PRR14L: variants seen among roughly 807,000 people sequenced by gnomAD.
PRR14L encodes the protein proline rich 14 like.
Under a neutral mutation model 155.0 loss-of-function variants are expected in PRR14L, and 80 were observed. The observed-to-expected ratio is 0.52, with a 90% CI of 0.43 to 0.62. The LOEUF (loss-of-function observed/expected upper bound fraction) is 0.62, where lower values mean the gene tolerates loss of function less well. Among genes scored for constraint, PRR14L ranks in the 20% least tolerant of loss-of-function variants. The pLI is 0.00. For missense variants in PRR14L, 2,469 were observed against 2,548.0 expected (o/e 0.97, Z 0.67); for synonymous variants, 883 against 916.0 (o/e 0.96, Z 0.65).
chr22:31,690,020 G>A (rs1210779904), intron 7 of PRR14L, among the ~76,000 whole-genome samples: 15 of 152,012 alleles, frequency 9.9e-5, no homozygotes, highest in Non-Finnish European at 1.8e-4. Context: ...GGGTTCAAGC[G>A]ATTCTCCTGC....
intron 8 of PRR14L, among the ~76,000 whole-genome samples, chr22:31,686,337 T>C (rs2074482664): frequency 6.6e-6 from 1 of 151,258 alleles, no homozygotes; most frequent in African/African-American, 2.4e-5. Flanking sequence ...CTTGATCTCC[T>C]AACCTCATGA....
Position 31,715,267 on chromosome 22 carries a change from G to A in PRR14L, c.2572C>T (p.Leu858Phe). Residue 858 changes from leucine (L) to phenylalanine (F), a missense_variant, in exon 4 of 9, where the codon CTT (leucine) becomes TTT (phenylalanine). By Grantham distance (22) the Leu-to-Phe change is conservative. This residue lies in a region of PRR14L where 2,363 missense variants were observed against 2,371.6 expected (regional missense o/e 1.00). Coordinates refer to ENST00000327423, the MANE Select transcript of PRR14L (RefSeq NM_173566.3). ...KVSYTSQERE[L>F]DGKETNGSLP... ...CTGCCATTCGTTTCTTTCCCATCAA[G>A]TTCCCTTTCCTGTGATGTGTAACTC... 6.4e-7 allele frequency: 1 copy of A among 1,552,184 alleles called. No homozygotes were observed. Among genetic ancestry groups the A allele is most frequent in the Non-Finnish European group, 8.7e-7 (1 of 1,147,110 alleles).
At chr22:31,710,516 G>A (rs2074615306) in intron 4 of PRR14L, among the ~76,000 whole-genome samples, 2 of 151,268 alleles carry the variant, frequency 1.3e-5, no homozygotes, top group East Asian at 3.9e-4. Context: ...GCCGTGGCGT[G>A]ATCTCGGCTC....
intron 2 of PRR14L, among the ~76,000 whole-genome samples, chr22:31,731,072 A>G (rs768334736): frequency 1.8e-4 from 28 of 152,130 alleles, no homozygotes; most frequent in African/African-American, 4.8e-4. Context: ...TTTGGCCACA[A>G]ATTGCTCCGG....
Position 31,714,551 on chromosome 22 carries a change from C to T in PRR14L, c.3288G>A (p.Leu1096=). Residue 1096 remains leucine (L), a synonymous_variant, in exon 4 of 9, where the codon TTG becomes TTA. Transcript: ENST00000327423. ...GTGCAGCATCCAGTTCTCTCCGAGA[C>T]AAGGTACTCCTGGAGTCCTCTTGAA... The part of the protein sequence containing the change: ...LAFQEDSRST[L]SRRELDAAHT... 6.4e-7 allele frequency: 1 copy of T among 1,552,046 alleles called. No individual in the cohort carries two copies. Among genetic ancestry groups the T allele is most frequent in the Non-Finnish European group, 8.7e-7 (1 of 1,147,070 alleles).
chr22:31,716,166 T>C lies in PRR14L; in HGVS notation c.1673A>G (p.Asn558Ser), dbSNP rs1246887022. The C allele has an allele frequency of 2.1e-5, 32 of 1,551,542 alleles. No individual in the cohort carries two copies. The highest frequency in any genetic ancestry group is 2.7e-5 in the Non-Finnish European group (31 of 1,146,920). ...QRNLEGNTQLNEASCNDFLFE... is the reference protein window; with the variant it reads ...QRNLEGNTQLSEASCNDFLFE... ...CAGAAAATCATTACATGATGCTTCA[T>C]TTAACTGGGTGTTGCCTTCCAGATT... is the stretch of plus-strand genomic sequence containing the variant. The change falls in exon 4 of 9, where the codon AAT (asparagine) becomes AGT (serine). Residue 558 changes from asparagine to serine, a missense_variant. Asn to Ser is a conservative substitution (Grantham distance 46). Transcript: ENST00000327423.
rs2074643237 is a variant in PRR14L, at chr22:31,714,527, T to C, written c.3312A>G (p.Ala1104=). 1.3e-6 allele frequency: 2 copies of C among 1,552,188 alleles called. No homozygotes were observed. Among genetic ancestry groups the C allele is most frequent in the African/African-American group, 1.4e-5 (1 of 73,196 alleles). Residue 1104 remains alanine, a synonymous_variant, in exon 4 of 9, where the codon GCA becomes GCG. Coordinates refer to ENST00000327423, the MANE Select transcript of PRR14L (RefSeq NM_173566.3). The part of the protein sequence containing the change: ...STLSRRELDA[A]HTGTTGQDSD... ...AATCCTGACCAGTTGTTCCTGTATGTGCAGCATCCAGTTCTCTCCGAGACA... is the reference window on the plus strand; with the variant it reads ...AATCCTGACCAGTTGTTCCTGTATGCGCAGCATCCAGTTCTCTCCGAGACA...
rs767943257 is a variant in PRR14L, at chr22:31,725,630, T to C, written c.475-20A>G. The C allele has an allele frequency of 1.4e-6, 2 of 1,466,022 alleles. No homozygotes were observed. Among genetic ancestry groups the C allele is most frequent in the African/African-American group, 2.8e-5 (2 of 71,202 alleles). The allele number at this position is 1,466,022 out of a possible 1,614,324, so 90.8% of individuals were successfully genotyped here. On this transcript the variant is annotated intron_variant, in intron 2 of 8. Coordinates refer to ENST00000327423, the MANE Select transcript of PRR14L (RefSeq NM_173566.3). Reference sequence around the variant, plus strand: ...ATCCTCCTACAGTAAGAAAATCCAGTGGTCAAGGGGGATTCAGAAGATTCT... The same window carrying C: ...ATCCTCCTACAGTAAGAAAATCCAGCGGTCAAGGGGGATTCAGAAGATTCT...
At chr22:31,692,077 A>G (rs2074514603) in intron 7 of PRR14L, among the ~76,000 whole-genome samples, 1 of 152,138 alleles carries the variant, frequency 6.6e-6, no homozygotes, top group Non-Finnish European at 1.5e-5. Context: ...CATATTGGCC[A>G]GGCTGGTCTC....
In PRR14L at chr22:31,688,099, G is replaced by A. The variant is rs1396541016; in HGVS notation, c.6179+57C>T. Reference sequence around the variant, plus strand: ...CTCTTTCTAAAGTGAAAGGGCTGGAGATTCACATCAATCATTTCAAATTCT... The same window carrying A: ...CTCTTTCTAAAGTGAAAGGGCTGGAAATTCACATCAATCATTTCAAATTCT... On this transcript the variant is annotated intron_variant, in intron 8 of 8. Coordinates refer to ENST00000327423, the MANE Select transcript of PRR14L (RefSeq NM_173566.3). 3 of 1,500,974 alleles carry A rather than the reference G, an allele frequency of 2.0e-6. No homozygotes were observed. The African/African-American group carries it at 4.2e-5, about 21-fold the overall frequency. 93.0% of individuals were successfully genotyped at this position (1,500,974 alleles called of 1,614,324 possible).
Position 31,684,101 on chromosome 22 carries a change from G to A in PRR14L, c.*1426C>T, listed in dbSNP as rs2074469117. ...AAAGAGAAACCCCTAGAGAAGGAGG[G>A]GAAGGGGAGCAGGATATGGACACAC... On this transcript the variant is annotated 3_prime_UTR_variant, in exon 9 of 9. Transcript: ENST00000327423. The A allele has an allele frequency of 6.6e-6, 1 of 152,258 alleles. No individual in the cohort carries two copies. The allele number at this position is 152,258 out of a possible 1,614,324, so 9.4% of individuals were successfully genotyped here.
At position 31,712,547 on chromosome 22, in the gene PRR14L, A is replaced by C. The variant is rs1252418398; in HGVS notation, c.5292T>G (p.Phe1764Leu). ...QCPSQPPKWT[F>L]SFFLSHGCPG... Reference sequence around the variant, plus strand: ...GGCAACCGTGGGACAAGAAGAAAGAAAAGGTCCACTTGGGAGGTTGAGACG... The same window carrying C: ...GGCAACCGTGGGACAAGAAGAAAGACAAGGTCCACTTGGGAGGTTGAGACG... The change falls in exon 4 of 9, where the codon TTT becomes TTG. Residue 1764 changes from phenylalanine to leucine, a missense_variant. Around this residue, in one of 2 missense-constraint regions of PRR14L, gnomAD observed 2,363 missense variants for 2,371.6 expected, o/e 1.00. Coordinates refer to ENST00000327423, the MANE Select transcript of PRR14L (RefSeq NM_173566.3). 6.4e-7 allele frequency: 1 copy of C among 1,551,724 alleles called. No individual in the cohort carries two copies. The highest frequency in any genetic ancestry group is 1.4e-5 in the African/African-American group (1 of 73,144).
intron 3 of PRR14L, among the ~76,000 whole-genome samples, chr22:31,720,235 ATAAC>A (rs2074682765): frequency 6.6e-6 from 1 of 152,254 alleles, no homozygotes; most frequent in South Asian, 2.1e-4. Context: ...TTAAAATAGA[ATAAC>A]TAGGCTAGAC....
chr22:31,682,992 T>A lies in PRR14L; in HGVS notation c.*2535A>T, dbSNP rs566858758. On this transcript the variant is annotated 3_prime_UTR_variant, in exon 9 of 9. Coordinates refer to ENST00000327423, the MANE Select transcript of PRR14L (RefSeq NM_173566.3). ...GGTATATACATCACCTTCAGGTAAGTAATTTCAAGTTTGCAGTGGGGCCCC... is the reference window on the plus strand; with the variant it reads ...GGTATATACATCACCTTCAGGTAAGAAATTTCAAGTTTGCAGTGGGGCCCC... 1.3e-5 allele frequency: 2 copies of A among 152,278 alleles called. No homozygotes were observed. Among genetic ancestry groups the A allele is most frequent in the South Asian group, 4.1e-4 (2 of 4,828 alleles). 9.4% of individuals were successfully genotyped at this position (152,278 alleles called of 1,614,324 possible).
chr22:31,714,329 G>T lies in PRR14L; in HGVS notation c.3510C>A (p.Gly1170=). 1 of 1,551,442 alleles carries T rather than the reference G, an allele frequency of 6.4e-7. No individual in the cohort carries two copies. The highest frequency in any genetic ancestry group is 8.7e-7 in the Non-Finnish European group (1 of 1,146,820). ...ADHEPNKRIL[G]RVNLSLNDSH... ...TATCATTTAAAGACAAATTTACTCT[G>T]CCCAATATTCTTTTATTTGGTTCAT... Residue 1170 remains glycine (G), a synonymous_variant, in exon 4 of 9, where the codon GGC becomes GGA. Transcript: ENST00000327423.
In PRR14L at chr22:31,721,499, C is replaced by A. The variant is rs112629800; in HGVS notation, c.547+4039G>T. Among the ~76,000 whole-genome samples the A allele has an allele frequency of 8.7e-3, 1,306 of 149,424 alleles. 18 individuals are homozygous for A. The highest frequency in any genetic ancestry group is 0.03 in the African/African-American group (1,193 of 40,430). ...AGGAGAATGGCGTGAACCCGGGAGGCGGAGTTTGCAGTGAGCTGAGATAGT... is the reference window on the plus strand; with the variant it reads ...AGGAGAATGGCGTGAACCCGGGAGGAGGAGTTTGCAGTGAGCTGAGATAGT... On this transcript the variant is annotated intron_variant, in intron 3 of 8. Coordinates refer to ENST00000327423, the MANE Select transcript of PRR14L (RefSeq NM_173566.3).
At chr22:31,729,685 G>C (rs561975864) in intron 2 of PRR14L, among the ~76,000 whole-genome samples, 1 of 152,124 alleles carries the variant, frequency 6.6e-6, no homozygotes, top group African/African-American at 2.4e-5. Flanking sequence ...GATTCCACTT[G>C]AATGATGTAC....
chr22:31,694,333 G>A (rs2074524646), intron 7 of PRR14L, among the ~76,000 whole-genome samples: 1 of 151,972 alleles, frequency 6.6e-6, no homozygotes, highest in Non-Finnish European at 1.5e-5. Flanking sequence ...GCCTCCCAAA[G>A]TGCTAGGATT....
chr22:31,696,725 T>G (rs2074536554), intron 7 of PRR14L, among the ~76,000 whole-genome samples: 1 of 152,206 alleles, frequency 6.6e-6, no homozygotes, highest in African/African-American at 2.4e-5. Flanking sequence ...GCTAAGCCCT[T>G]TCCAGTGATT....
Sources: allele counts gnomAD v4.1 joint callset (sites outside exome capture counted in the v4.1 genomes callset), GRCh38; gene constraint gnomAD v4.1.1; regional missense constraint gnomAD v4.1.1; transcripts MANE v1.5; gene names NCBI Gene and HGNC (gene_info 2026-07-23, HGNC 2026-07-21).